SMYD3: variants seen among roughly 807,000 people sequenced by gnomAD.
SMYD3 encodes the protein histone-lysine N-methyltransferase SMYD3.
A neutral mutation model predicts 57.7 loss-of-function variants in SMYD3; 36 were observed. The observed-to-expected ratio is 0.62, with a 90% confidence interval of 0.48 to 0.82. The LOEUF (loss-of-function observed/expected upper bound fraction) is 0.82. SMYD3 is among the 40% of genes least tolerant of loss of function. The pLI is 0.00. For synonymous variants in SMYD3, 211 were observed against 195.0 expected (o/e 1.08, Z -0.68); for missense variants, 515 against 538.8 (o/e 0.96, Z 0.44).
At chr1:246,250,635 G>A (rs2063783541) in intron 5 of SMYD3, among the ~76,000 whole-genome samples, 1 of 152,082 alleles carries the variant, frequency 6.6e-6, no homozygotes, top group Non-Finnish European at 1.5e-5. Flanking sequence ...GCAATTTAAG[G>A]TCCATCTCTT....
At chr1:245,800,781 C>G (rs2047820928) in intron 10 of SMYD3, among the ~76,000 whole-genome samples, 2 of 152,184 alleles carry the variant, frequency 1.3e-5, no homozygotes, top group Admixed American at 6.5e-5. Flanking sequence ...ACATCTGTCA[C>G]AGGGCCCCAG....
intron 10 of SMYD3, among the ~76,000 whole-genome samples, chr1:245,858,210 C>G (rs528092833): frequency 4.4e-4 from 67 of 152,286 alleles, no homozygotes; most frequent in African/African-American, 1.5e-3. Context: ...TCACTGCAAG[C>G]GCCACATCGT....
At chr1:246,495,087 C>T (rs1176343995) in intron 1 of SMYD3, among the ~76,000 whole-genome samples, 3 of 152,114 alleles carry the variant, frequency 2.0e-5, no homozygotes, top group Non-Finnish European at 4.4e-5. Context: ...CGGTGGCTCA[C>T]GCCTGTAATC....
chr1:245,903,090 G>C (rs1165920250), intron 8 of SMYD3, among the ~76,000 whole-genome samples: 1 of 152,060 alleles, frequency 6.6e-6, no homozygotes, highest in Non-Finnish European at 1.5e-5. Context: ...AAAACAATAT[G>C]AAAAACTCAG....
intron 1 of SMYD3, among the ~76,000 whole-genome samples, chr1:246,452,660 C>G (rs1165045965): frequency 1.3e-5 from 2 of 152,144 alleles, no homozygotes; most frequent in African/African-American, 4.8e-5. Context: ...GAACTCTACT[C>G]ATACAAGCAA....
chr1:245,785,941 G>A (rs2047020508), intron 10 of SMYD3, among the ~76,000 whole-genome samples: 1 of 151,824 alleles, frequency 6.6e-6, no homozygotes, highest in African/African-American at 2.4e-5. Flanking sequence ...CTGGCCTCAA[G>A]CAATCCTCCC....
intron 10 of SMYD3, among the ~76,000 whole-genome samples, chr1:245,779,708 C>T (rs1228489698): frequency 6.6e-6 from 1 of 152,160 alleles, no homozygotes; most frequent in Non-Finnish European, 1.5e-5. Flanking sequence ...TAAAATCAAA[C>T]AAACTATCAA....
chr1:245,828,498 TAG>T (rs2049633209), intron 10 of SMYD3, among the ~76,000 whole-genome samples: 1 of 152,194 alleles, frequency 6.6e-6, no homozygotes, highest in Admixed American at 6.5e-5. Context: ...TTTTTGATGA[TAG>T]GTCATTATGT....
intron 5 of SMYD3, among the ~76,000 whole-genome samples, chr1:246,221,812 T>A (rs1318687956): frequency 6.6e-6 from 1 of 152,118 alleles, no homozygotes; most frequent in Admixed American, 6.5e-5. Context: ...GCTGGTAGCA[T>A]GAGCTGAGCG....
At chr1:246,115,864 C>T (rs902050019) in intron 5 of SMYD3, among the ~76,000 whole-genome samples, 4 of 152,102 alleles carry the variant, frequency 2.6e-5, no homozygotes, top group Non-Finnish European at 5.9e-5. Flanking sequence ...CATGGCTGGG[C>T]GTAGTGGCTC....
rs541719229 is a variant in SMYD3, at chr1:246,147,728, C to G, written c.531+179473G>C. ...GGGGCCGGGAGCAGACAGGATCTGCCCTCCAGGGTAGAGCTGCAGCCTCCC... is the reference window on the plus strand; with the variant it reads ...GGGGCCGGGAGCAGACAGGATCTGCGCTCCAGGGTAGAGCTGCAGCCTCCC... On this transcript the variant is annotated intron_variant, in intron 5 of 11. Coordinates refer to ENST00000490107, the MANE Select transcript of SMYD3 (RefSeq NM_001167740.2). Among the ~76,000 whole-genome samples the G allele has an allele frequency of 3.9e-5, 6 of 152,010 alleles. No homozygotes were observed. The South Asian group carries it at 1.0e-3, about 26-fold the overall frequency.
chr1:245,877,533 T>G (rs944615502), intron 8 of SMYD3, among the ~76,000 whole-genome samples: 2 of 152,088 alleles, frequency 1.3e-5, no homozygotes, highest in Non-Finnish European at 2.9e-5. Context: ...CAGAAAGAGA[T>G]GACATGAATC....
At position 246,355,185 on chromosome 1, in the gene SMYD3, A is replaced by G; in HGVS notation, c.165-91T>C. On this transcript the variant is annotated intron_variant, in intron 1 of 11. Coordinates refer to ENST00000490107, the MANE Select transcript of SMYD3 (RefSeq NM_001167740.2). This position sits in a 1 kb window ranked among gnomAD's most constrained non-coding sequence, Gnocchi z 5.0. ...AGAAAACATAAGTCAACATACGGACACCCGTATGTTCTGTTTACTCCATTA... is the reference window on the plus strand; with the variant it reads ...AGAAAACATAAGTCAACATACGGACGCCCGTATGTTCTGTTTACTCCATTA... The G allele has an allele frequency of 8.0e-7, 1 of 1,242,906 alleles. No individual in the cohort carries two copies. Among genetic ancestry groups the G allele is most frequent in the Non-Finnish European group, 1.2e-6 (1 of 849,392 alleles). 77.0% of individuals were successfully genotyped at this position (1,242,906 alleles called of 1,614,324 possible). A position where few individuals can be genotyped will look rare whatever the true frequency, so the allele number is the denominator to read the frequency against.
At chr1:246,075,772 T>C (rs2060535105) in intron 5 of SMYD3, among the ~76,000 whole-genome samples, 1 of 152,172 alleles carries the variant, frequency 6.6e-6, no homozygotes, top group East Asian at 1.9e-4. Flanking sequence ...AAATGTTGTA[T>C]TGAGGGAGCT....
chr1:245,912,895 T>C (rs552200012), intron 8 of SMYD3, among the ~76,000 whole-genome samples: 2 of 152,278 alleles, frequency 1.3e-5, no homozygotes, highest in East Asian at 3.9e-4. Context: ...ACTATAATAC[T>C]AAAAGAAAAC....
rs111280794 is a variant in SMYD3, at chr1:246,156,735, C to A, written c.531+170466G>T. ...TGTTTTGGGGAGCAAAGAAAACGGG[C>A]ACCTTAATCAGACTACGAAAGGGAG... On this transcript the variant is annotated intron_variant, in intron 5 of 11. Transcript: ENST00000490107. 1.6e-3 allele frequency among the ~76,000 whole-genome samples: 245 copies of A among 152,302 alleles called. 1 individual carries two copies. Among genetic ancestry groups the A allele is most frequent in the African/African-American group, 5.5e-3 (227 of 41,564 alleles).
chr1:246,464,124 G>T (rs56196017), intron 1 of SMYD3, among the ~76,000 whole-genome samples: 1 of 152,040 alleles, frequency 6.6e-6, no homozygotes, highest in African/African-American at 2.4e-5. Flanking sequence ...TAAGGCAAAC[G>T]GAGAGGGTGC....
intron 11 of SMYD3, among the ~76,000 whole-genome samples, chr1:245,755,416 T>C (rs2045565696): frequency 6.6e-6 from 1 of 152,234 alleles, no homozygotes; most frequent in Non-Finnish European, 1.5e-5. Flanking sequence ...GATGGTGTTA[T>C]GGAATTATTT....
intron 1 of SMYD3, among the ~76,000 whole-genome samples, chr1:246,383,243 C>A (rs1447162551): frequency 2.6e-5 from 4 of 152,232 alleles, no homozygotes. Flanking sequence ...GTTTACACAG[C>A]AGGATCTACC....
Sources: allele counts gnomAD v4.1 joint callset (sites outside exome capture counted in the v4.1 genomes callset), GRCh38; gene constraint gnomAD v4.1.1; non-coding constraint Gnocchi (gnomAD v3.1); transcripts MANE v1.5; gene names NCBI Gene and HGNC (gene_info 2026-07-23, HGNC 2026-07-21).